The following NALF1 variants were observed in gnomAD, a reference collection of about 807,000 sequenced individuals.
The protein encoded by NALF1 is NALCN channel auxiliary factor 1.
In NALF1, 3 loss-of-function variants were observed where a neutral mutation model predicts 48.4. The ratio of observed to expected loss-of-function variants is 0.06; its 90% confidence interval spans 0.03 to 0.16. The LOEUF (loss-of-function observed/expected upper bound fraction) is 0.16. NALF1 is among the 10% of genes least tolerant of loss of function. The pLI is 1.00. For missense variants in NALF1, 526 were observed against 571.5 expected (o/e 0.92, Z 0.81); for synonymous variants, 262 against 245.7 (o/e 1.07, Z -0.62).
intron 1 of NALF1, among the ~76,000 whole-genome samples, chr13:107,237,609 A>T (rs1348302986): frequency 6.6e-6 from 1 of 152,188 alleles, no homozygotes; most frequent in African/African-American, 2.4e-5. Flanking sequence ...ATGTCATTAG[A>T]TGTTACACTA....
At chr13:107,643,647 A>G (rs759275132) in intron 1 of NALF1, among the ~76,000 whole-genome samples, 1 of 151,574 alleles carries the variant, frequency 6.6e-6, no homozygotes, top group Non-Finnish European at 1.5e-5. Flanking sequence ...AAGCAATTTT[A>G]TTTTCTTAAT....
intron 1 of NALF1, among the ~76,000 whole-genome samples, chr13:107,395,704 G>T (rs370592357): frequency 6.6e-6 from 1 of 152,052 alleles, no homozygotes; most frequent in African/African-American, 2.4e-5. Flanking sequence ...CAGTTCTTGC[G>T]GCTGGAAATC....
chr13:107,818,145 A>T (rs901243609), intron 1 of NALF1, among the ~76,000 whole-genome samples: 6 of 152,078 alleles, frequency 3.9e-5, no homozygotes, highest in African/African-American at 1.4e-4. Context: ...ATCAACAAGC[A>T]TTTTCTGACT....
intron 1 of NALF1, among the ~76,000 whole-genome samples, chr13:107,465,347 A>G (rs1884984418): frequency 6.6e-6 from 1 of 151,054 alleles, no homozygotes; most frequent in Non-Finnish European, 1.5e-5. Flanking sequence ...CTCTTTGTTT[A>G]CTTTTTTGCC....
At chr13:107,214,713 C>T (rs771648105) in intron 1 of NALF1, among the ~76,000 whole-genome samples, 9 of 152,152 alleles carry the variant, frequency 5.9e-5, no homozygotes, top group Non-Finnish European at 1.2e-4. Flanking sequence ...GACAGCTGCC[C>T]ACCATACAGT....
intron 1 of NALF1, among the ~76,000 whole-genome samples, chr13:107,513,633 G>A (rs1875965992): frequency 6.6e-6 from 1 of 152,138 alleles, no homozygotes; most frequent in East Asian, 1.9e-4. Context: ...TCAATGGTGG[G>A]GTTCCATGAA....
intron 1 of NALF1, among the ~76,000 whole-genome samples, chr13:107,391,165 TG>T (rs1310916311): frequency 6.6e-6 from 1 of 152,102 alleles, no homozygotes; most frequent in Admixed American, 6.6e-5. Context: ...TTCCTAGCTC[TG>T]GGGATAAAGT....
intron 1 of NALF1, among the ~76,000 whole-genome samples, chr13:107,521,698 T>C (rs1876244494): frequency 6.6e-6 from 1 of 152,140 alleles, no homozygotes; most frequent in African/African-American, 2.4e-5. Flanking sequence ...TCTCATCAGC[T>C]GGTTAGTGGG....
chr13:107,811,000 T>C (rs991950838), intron 1 of NALF1, among the ~76,000 whole-genome samples: 1 of 152,164 alleles, frequency 6.6e-6, no homozygotes, highest in Non-Finnish European at 1.5e-5. Flanking sequence ...AAATTATGTA[T>C]ATTATGTATC....
chr13:107,486,721 G>A (rs1269638834), intron 1 of NALF1, among the ~76,000 whole-genome samples: 1 of 152,090 alleles, frequency 6.6e-6, no homozygotes, highest in Non-Finnish European at 1.5e-5. Context: ...TTTTTCCTGA[G>A]AAAGAAGCAC....
chr13:107,555,192 T>A (rs1469871779), intron 1 of NALF1, among the ~76,000 whole-genome samples: 3 of 152,058 alleles, frequency 2.0e-5, no homozygotes, highest in African/African-American at 7.2e-5. Flanking sequence ...AAACTGGATA[T>A]TACGCATTTC....
chr13:107,495,428 C>T (rs1875297482), intron 1 of NALF1, among the ~76,000 whole-genome samples: 1 of 152,140 alleles, frequency 6.6e-6, no homozygotes, highest in Admixed American at 6.6e-5. Flanking sequence ...GATATCTTGT[C>T]CAATGCCAAA....
At chr13:107,536,976 A>T (rs575269145) in intron 1 of NALF1, among the ~76,000 whole-genome samples, 1 of 152,330 alleles carries the variant, frequency 6.6e-6, no homozygotes, top group South Asian at 2.1e-4. Flanking sequence ...AAACTATCAC[A>T]GGGACAAAAA....
In NALF1 at chr13:107,468,833, A is replaced by G. The variant is rs115576305; in HGVS notation, c.916-258078T>C. Among the ~76,000 whole-genome samples, 479 of 152,244 alleles carry G rather than the reference A, an allele frequency of 3.1e-3. 3 individuals carry two copies. The highest frequency in any genetic ancestry group is 0.011 in the African/African-American group (455 of 41,554). ...GAAAATCCTAGTATTTAAAGAAGATAATTATTTTATAGGTGTATTTGCATG... is the reference window on the plus strand; with the variant it reads ...GAAAATCCTAGTATTTAAAGAAGATGATTATTTTATAGGTGTATTTGCATG... On this transcript the variant is annotated intron_variant, in intron 1 of 2. Coordinates refer to ENST00000375915, the MANE Select transcript of NALF1 (RefSeq NM_001080396.3).
At chr13:107,702,740 C>A (rs1257534446) in intron 1 of NALF1, among the ~76,000 whole-genome samples, 2 of 152,096 alleles carry the variant, frequency 1.3e-5, no homozygotes, top group Non-Finnish European at 2.9e-5. Flanking sequence ...TTTTTCCCCC[C>A]ATGTGTCCCT....
intron 1 of NALF1, among the ~76,000 whole-genome samples, chr13:107,659,092 AGCACTGAC>A (rs1374593144): frequency 7.1e-6 from 1 of 140,190 alleles, no homozygotes; most frequent in Non-Finnish European, 1.5e-5. Context: ...TCAACTAGCC[AGCACTGAC>A]ACACTGACAC....
chr13:107,857,385 T>C (rs1337764120), intron 1 of NALF1, among the ~76,000 whole-genome samples: 3 of 152,218 alleles, frequency 2.0e-5, no homozygotes, highest in African/African-American at 7.2e-5. Flanking sequence ...CAGTGGAATC[T>C]GGAGGCACAT....
intron 1 of NALF1, among the ~76,000 whole-genome samples, chr13:107,358,243 T>A (rs1300029668): frequency 6.6e-6 from 1 of 151,998 alleles, no homozygotes; most frequent in Non-Finnish European, 1.5e-5. Context: ...GAAAAGACAA[T>A]TTCGACTGAT....
At chr13:107,377,995 C>A (rs1402456773) in intron 1 of NALF1, among the ~76,000 whole-genome samples, 1 of 152,170 alleles carries the variant, frequency 6.6e-6, no homozygotes, top group Non-Finnish European at 1.5e-5. Context: ...TCCCTTTGAG[C>A]TCTTATCAGA....
Sources: allele counts gnomAD v4.1 joint callset (sites outside exome capture counted in the v4.1 genomes callset), GRCh38; gene constraint gnomAD v4.1.1; transcripts MANE v1.5; gene names NCBI Gene and HGNC (gene_info 2026-07-23, HGNC 2026-07-21).